The following ZFYVE28 variants were observed in gnomAD, a reference collection of about 807,000 sequenced individuals.
ZFYVE28 encodes the protein lateral signaling target protein 2 homolog.
In ZFYVE28, 40 loss-of-function variants were observed where a neutral mutation model predicts 82.1. The ratio of observed to expected loss-of-function variants is 0.49; its 90% confidence interval spans 0.38 to 0.63. ZFYVE28 has a LOEUF of 0.63. Among genes scored for constraint, ZFYVE28 ranks in the 30% least tolerant of loss-of-function variants. The probability of loss-of-function intolerance (pLI) is 0.00; values close to 1 mark genes in which losing one functional copy is unlikely to be tolerated. For missense variants in ZFYVE28, 1,321 were observed against 1,242.1 expected (o/e 1.06, Z -0.96); for synonymous variants, 612 against 546.1 (o/e 1.12, Z -1.68).
intron 8 of ZFYVE28, among the ~76,000 whole-genome samples, chr4:2,275,804 G>A (rs1736374838): frequency 6.6e-6 from 1 of 152,282 alleles, no homozygotes; most frequent in Non-Finnish European, 1.5e-5. Flanking sequence ...GGCATACACT[G>A]GAAACGCGCA....
intron 8 of ZFYVE28, among the ~76,000 whole-genome samples, chr4:2,284,247 A>G (rs962795227): frequency 2.0e-5 from 3 of 152,180 alleles, no homozygotes; most frequent in Non-Finnish European, 2.9e-5. Flanking sequence ...TCCCACCGTG[A>G]TAAAGGCCGT....
chr4:2,283,600 A>ATCCATCCG (rs533513452), intron 8 of ZFYVE28, among the ~76,000 whole-genome samples: 4,245 of 152,214 alleles, frequency 0.028, 173 homozygotes, highest in African/African-American at 0.093. Context: ...CCATCCATCC[A>ATCCATCCG]TCCATCCACC....
chr4:2,273,000 G>T (rs769525443), intron 10 of ZFYVE28, among the ~76,000 whole-genome samples, 173 bp downstream of exon 10: 3 of 152,230 alleles, frequency 2.0e-5, no homozygotes, highest in Non-Finnish European at 4.4e-5. Flanking sequence ...AGCAGGAAGG[G>T]CAGCCTGGCA....
chr4:2,399,854 T>A (rs891615859), intron 1 of ZFYVE28, among the ~76,000 whole-genome samples: 3 of 152,150 alleles, frequency 2.0e-5, no homozygotes, highest in Non-Finnish European at 4.4e-5. Flanking sequence ...GTGGGCCACA[T>A]GGGGTTGCAT....
intron 1 of ZFYVE28, among the ~76,000 whole-genome samples, chr4:2,376,050 T>G (rs1194501249): frequency 6.6e-6 from 1 of 151,862 alleles, no homozygotes; most frequent in Non-Finnish European, 1.5e-5. Flanking sequence ...ATTTTTTGTA[T>G]TTTTAGTAGA....
chr4:2,409,072 C>T lies in ZFYVE28; in HGVS notation c.39+9213G>A, dbSNP rs1732235643. Among the ~76,000 whole-genome samples, 1 of 152,098 alleles carries T rather than the reference C, an allele frequency of 6.6e-6. No homozygotes were observed. Among genetic ancestry groups the T allele is most frequent in the Non-Finnish European group, 1.5e-5 (1 of 68,018 alleles). On this transcript the variant is annotated intron_variant, in intron 1 of 12. Transcript: ENST00000290974. This position sits in a 1 kb window ranked among gnomAD's most constrained non-coding sequence, Gnocchi z 4.4. The stretch of plus-strand genomic sequence containing the variant: ...GTCTGCCTTTACGCGGTCTGTGACA[C>T]AGCCCTGAACGCCCCTGGCCCCCCA...
chr4:2,355,439 G>A (rs528751262), intron 1 of ZFYVE28, among the ~76,000 whole-genome samples: 57 of 137,976 alleles, frequency 4.1e-4, no homozygotes, highest in South Asian at 9.4e-4. Context: ...CCATCACCAC[G>A]CCCGGCCAAT....
chr4:2,350,432 C>T (rs550975890), intron 2 of ZFYVE28, among the ~76,000 whole-genome samples: 1 of 151,888 alleles, frequency 6.6e-6, no homozygotes, highest in Non-Finnish European at 1.5e-5. Flanking sequence ...CCACTGCACT[C>T]CAGCCTGGGC....
intron 4 of ZFYVE28, 121 bp from the exon 5 acceptor site, chr4:2,337,617 C>T: frequency 4.1e-6 from 3 of 726,890 alleles, no homozygotes; most frequent in Non-Finnish European, 4.5e-6. Flanking sequence ...CGGGGGGCCT[C>T]ACGCCTGTAA....
intron 9 of ZFYVE28, among the ~76,000 whole-genome samples, chr4:2,273,498 G>C (rs926927863): frequency 1.3e-5 from 2 of 152,210 alleles, no homozygotes; most frequent in African/African-American, 4.8e-5. Context: ...ATCAGGGGAA[G>C]GGAGACGACC....
At position 2,332,425 on chromosome 4, in the gene ZFYVE28, G is replaced by A. The variant is rs1357121558; in HGVS notation, c.701+3280C>T. Among the ~76,000 whole-genome samples the A allele has an allele frequency of 6.6e-6, 1 of 152,118 alleles. No individual in the cohort carries two copies. The highest frequency in any genetic ancestry group is 1.5e-5 in the Non-Finnish European group (1 of 68,008). On this transcript the variant is annotated intron_variant, in intron 6 of 12. Coordinates refer to ENST00000290974, the MANE Select transcript of ZFYVE28 (RefSeq NM_020972.3). The surrounding 1 kb of genome is among the most constrained non-coding windows in gnomAD (Gnocchi z 4.7). Reference sequence around the variant, plus strand: ...TGCCACCTGCACAGCTCCCACCTCTGGGCCGGCTGCCCTGGGGAGCCTCTC... The same window carrying A: ...TGCCACCTGCACAGCTCCCACCTCTAGGCCGGCTGCCCTGGGGAGCCTCTC...
chr4:2,367,066 C>T (rs899253509), intron 1 of ZFYVE28, among the ~76,000 whole-genome samples: 4 of 152,312 alleles, frequency 2.6e-5, no homozygotes, highest in African/African-American at 9.6e-5. Flanking sequence ...AATTTAACCA[C>T]GGTAGCTGCA....
At chr4:2,302,688 C>T (rs770862988) in intron 8 of ZFYVE28, among the ~76,000 whole-genome samples, 5 of 152,226 alleles carry the variant, frequency 3.3e-5, no homozygotes, top group Non-Finnish European at 7.3e-5. Context: ...ATTTTCATCA[C>T]ATCCATAACC....
rs1019065588 is a variant in ZFYVE28, at chr4:2,408,671, A to C, written c.39+9614T>G. ...GCCCCATCCAGATAGAGTCCCGCCCAGATGAGTACCACCCAGGTAAGCCTG... is the reference window on the plus strand; with the variant it reads ...GCCCCATCCAGATAGAGTCCCGCCCCGATGAGTACCACCCAGGTAAGCCTG... On this transcript the variant is annotated intron_variant, in intron 1 of 12. Coordinates refer to ENST00000290974, the MANE Select transcript of ZFYVE28 (RefSeq NM_020972.3). This position sits in a 1 kb window ranked among gnomAD's most constrained non-coding sequence, Gnocchi z 4.3. 6.6e-6 allele frequency among the ~76,000 whole-genome samples: 1 copy of C among 152,088 alleles called. No homozygotes were observed. Among genetic ancestry groups the C allele is most frequent in the Non-Finnish European group, 1.5e-5 (1 of 68,016 alleles).
intron 8 of ZFYVE28, among the ~76,000 whole-genome samples, chr4:2,291,084 T>C (rs1228352444): frequency 6.6e-6 from 1 of 152,208 alleles, no homozygotes; most frequent in Non-Finnish European, 1.5e-5. Context: ...CCTGTCGCCC[T>C]TCTCGTCTCG....
At chr4:2,346,294 A>C (rs1723572778) in intron 2 of ZFYVE28, among the ~76,000 whole-genome samples, 1 of 150,864 alleles carries the variant, frequency 6.6e-6, no homozygotes, top group Non-Finnish European at 1.5e-5. Context: ...GTGAGCCGAG[A>C]TCGCGCCACT....
At position 2,418,380 on chromosome 4, in the gene ZFYVE28, C is replaced by T; in HGVS notation, c.-57G>A. The T allele has an allele frequency of 2.4e-6, 3 of 1,256,572 alleles. No individual in the cohort carries two copies. The highest frequency in any genetic ancestry group is 3.0e-6 in the Non-Finnish European group (3 of 994,102). 77.8% of individuals were successfully genotyped at this position (1,256,572 alleles called of 1,614,324 possible). A position where few individuals can be genotyped will look rare whatever the true frequency, so the allele number is the denominator to read the frequency against. On this transcript the variant is annotated 5_prime_UTR_variant, in exon 1 of 13. Transcript: ENST00000290974. The surrounding 1 kb of genome is among the most constrained non-coding windows in gnomAD (Gnocchi z 4.6). ...GCCCTCGCCCTCCGCAGCGCTGCGCCCGGGCCCGGCTGAGGCGCGGGGCGG... is the reference window on the plus strand; with the variant it reads ...GCCCTCGCCCTCCGCAGCGCTGCGCTCGGGCCCGGCTGAGGCGCGGGGCGG...
chr4:2,358,348 G>T (rs1725642924), intron 1 of ZFYVE28, among the ~76,000 whole-genome samples: 1 of 152,218 alleles, frequency 6.6e-6, no homozygotes, highest in Non-Finnish European at 1.5e-5. Flanking sequence ...CTCCCACAGG[G>T]GTGACATGCC....
chr4:2,405,466 G>A (rs147856608), intron 1 of ZFYVE28, among the ~76,000 whole-genome samples: 231 of 152,374 alleles, frequency 1.5e-3, no homozygotes, highest in African/African-American at 4.5e-3. Flanking sequence ...TGATGGGTGC[G>A]CTGAGCAGAC....
Sources: allele counts gnomAD v4.1 joint callset (sites outside exome capture counted in the v4.1 genomes callset), GRCh38; gene constraint gnomAD v4.1.1; non-coding constraint Gnocchi (gnomAD v3.1); transcripts MANE v1.5; gene names NCBI Gene and HGNC (gene_info 2026-07-23, HGNC 2026-07-21).